The following COL5A2 variants were observed in gnomAD, a reference collection of about 807,000 sequenced individuals.
COL5A2 encodes the protein collagen type V alpha 2 chain.
In COL5A2, 23 loss-of-function variants were observed where a neutral mutation model predicts 208.2. The ratio of observed to expected loss-of-function variants is 0.11; its 90% confidence interval spans 0.08 to 0.16. The LOEUF (loss-of-function observed/expected upper bound fraction) is 0.16. Among genes scored for constraint, COL5A2 ranks in the 10% least tolerant of loss-of-function variants. The pLI, the probability that COL5A2 is intolerant of heterozygous loss-of-function variation, is 1.00. For missense variants in COL5A2, 1,590 were observed against 1,956.4 expected, an observed-to-expected ratio of 0.81 and a Z score of 3.53; for synonymous variants, 625 against 628.5, an observed-to-expected ratio of 0.99 and a Z score of 0.08.
rs142895373 is a variant in COL5A2 at position 189,034,100 on chromosome 2, G to T, written c.4470C>A (p.Gly1490=). Residue 1490 remains glycine, a synonymous_variant, in exon 54 of 54, where the codon GGC becomes GGA. Coordinates refer to ENST00000374866, the MANE Select transcript of COL5A2 (RefSeq NM_000393.5). ...CAAAACAAACTGGCCCAATTTCAAC[G>T]CCGAATTCCTGGTCTGTGCCGCCAA... ...VDVGGTDQEF[G]VEIGPVCFV 1 of 1,613,916 alleles carries T rather than the reference G, an allele frequency of 6.2e-7. No homozygotes were observed. Among genetic ancestry groups the T allele is most frequent in the Non-Finnish European group, 8.5e-7 (1 of 1,179,918 alleles).
At chr2:189,231,417 C>T in the COL5A2 span, among the ~76,000 whole-genome samples, 1 of 151,532 alleles carries the variant, frequency 6.6e-6, no homozygotes, top group Admixed American at 6.6e-5. Flanking sequence ...AAGGTAAGCC[C>T]CTTCTGAAAG....
At chr2:189,418,463 T>G in the COL5A2 span, among the ~76,000 whole-genome samples, 4 of 152,216 alleles carry the variant, frequency 2.6e-5, no homozygotes, top group Admixed American at 6.5e-5. Context: ...AGAGCTAAAA[T>G]AGGATATCTG....
the COL5A2 span, among the ~76,000 whole-genome samples, chr2:189,440,940 T>C: frequency 6.6e-6 from 1 of 152,156 alleles, no homozygotes; most frequent in East Asian, 1.9e-4. Flanking sequence ...GTGGAGATTC[T>C]GTAGTAACCT....
intron 46 of COL5A2, 85 bp from the exon 47 acceptor site, chr2:189,045,317 TATAG>T: frequency 1.2e-6 from 1 of 814,262 alleles, no homozygotes; most frequent in African/African-American, 1.8e-5. Flanking sequence ...ACAATACGTT[TATAG>T]TTGGATGCAT....
chr2:189,184,057 C>G (rs537682194), upstream of COL5A2, among the ~76,000 whole-genome samples: 4 of 152,154 alleles, frequency 2.6e-5, no homozygotes, highest in Non-Finnish European at 5.9e-5. Flanking sequence ...GTCCCTGATT[C>G]CACACAGCTT....
chr2:189,198,138 G>A (rs1225681472), intron 1 of COL5A2, among the ~76,000 whole-genome samples: 2 of 152,104 alleles, frequency 1.3e-5, no homozygotes, highest in African/African-American at 4.8e-5. Context: ...AGATCTAGGA[G>A]TACATTACCC....
intron 7 of COL5A2, among the ~76,000 whole-genome samples, chr2:189,089,155 T>C (rs1686729354): frequency 6.6e-6 from 1 of 152,204 alleles, no homozygotes; most frequent in Non-Finnish European, 1.5e-5. Context: ...GCCTAAAAGA[T>C]GCCTTTAAAA....
the COL5A2 span, among the ~76,000 whole-genome samples, chr2:189,406,870 G>A: frequency 1.3e-5 from 2 of 152,082 alleles, no homozygotes; most frequent in Admixed American, 1.3e-4. Flanking sequence ...AGCACTGAGA[G>A]AGATGGAGAT....
chr2:189,242,429 T>C, the COL5A2 span, among the ~76,000 whole-genome samples: 2 of 152,194 alleles, frequency 1.3e-5, no homozygotes, highest in African/African-American at 4.8e-5. Context: ...AGGATTTAAA[T>C]ACAGTTCTAG....
intron 7 of COL5A2, among the ~76,000 whole-genome samples, chr2:189,089,743 A>G (rs1419772614): frequency 6.6e-6 from 1 of 152,080 alleles, no homozygotes; most frequent in African/African-American, 2.4e-5. Context: ...TGTTCTTATT[A>G]TATCTGTTAT....
At chr2:189,153,656 T>C (rs1198959729) in intron 1 of COL5A2, among the ~76,000 whole-genome samples, 1 of 152,082 alleles carries the variant, frequency 6.6e-6, no homozygotes, top group Non-Finnish European at 1.5e-5. Context: ...TTACTACATG[T>C]AATTACTGGG....
intron 1 of COL5A2, among the ~76,000 whole-genome samples, chr2:189,210,996 A>G (rs1458858094): frequency 6.6e-6 from 1 of 152,150 alleles, no homozygotes; most frequent in Non-Finnish European, 1.5e-5. Flanking sequence ...TATCGCCATT[A>G]GCAATTAGAG....
In COL5A2 at chr2:189,068,806, C is replaced by T. The variant is rs771731126; in HGVS notation, c.1237G>A (p.Val413Ile). The change falls in exon 19 of 54, where the codon GTT (valine) becomes ATT (isoleucine). Residue 413 changes from valine (V) to isoleucine (I), a missense_variant. By Grantham distance (29) the Val-to-Ile change is conservative. Transcript: ENST00000374866. ...CTTACAGGAAGACCTGGAGAGCCAA[C>T]TGGACCTGGGGGCCCAGTTTCACCT... is the stretch of plus-strand genomic sequence containing the variant. ...QRGETGPPGP[V>I]GSPGLPGAIG... 1.9e-6 allele frequency: 3 copies of T among 1,613,272 alleles called. No homozygotes were observed. Among genetic ancestry groups the T allele is most frequent in the Non-Finnish European group, 2.5e-6 (3 of 1,179,704 alleles).
chr2:189,040,966 A>G (rs1685548431), intron 50 of COL5A2, among the ~76,000 whole-genome samples: 1 of 152,240 alleles, frequency 6.6e-6, no homozygotes. Context: ...AAGGAAGAGA[A>G]GGTAAAGACC....
intron 2 of COL5A2, among the ~76,000 whole-genome samples, chr2:189,104,683 G>A (rs1687116324): frequency 6.6e-6 from 1 of 151,712 alleles, no homozygotes; most frequent in African/African-American, 2.4e-5. Flanking sequence ...ACTAAAAAAT[G>A]TCATTCCATC....
rs1214619809 is a variant in COL5A2, at chr2:189,051,289, A to T, written c.2931+31T>A. Reference sequence around the variant, plus strand: ...TTCTATTTGTAAATATCTCAGTTGAAGGTGGTCTGGAACGGATACGCCAAA... The same window carrying T: ...TTCTATTTGTAAATATCTCAGTTGATGGTGGTCTGGAACGGATACGCCAAA... On this transcript the variant is annotated intron_variant, in intron 42 of 53. Coordinates refer to ENST00000374866, the MANE Select transcript of COL5A2 (RefSeq NM_000393.5). 4 of 1,613,756 alleles carry T rather than the reference A, an allele frequency of 2.5e-6. No homozygotes were observed. In the Admixed American group the frequency reaches 6.7e-5, roughly 27 times the overall value.
In COL5A2 at chr2:189,067,199, C is replaced by T. The variant is rs188782886; in HGVS notation, c.1402-417G>A. Among the ~76,000 whole-genome samples, 128 of 151,998 alleles carry T rather than the reference C, an allele frequency of 8.4e-4. 1 individual carries two copies. Among genetic ancestry groups the T allele is most frequent in the Admixed American group, 7.9e-3 (121 of 15,260 alleles). On this transcript the variant is annotated intron_variant, in intron 21 of 53. Coordinates refer to ENST00000374866, the MANE Select transcript of COL5A2 (RefSeq NM_000393.5). The stretch of plus-strand genomic sequence containing the variant: ...AATCAAAATAATTTTATATTTATGC[C>T]GTATTTATTGAGAATTTAGCAACTT...
chr2:189,192,262 C>A (rs2105846994), intron 1 of COL5A2, among the ~76,000 whole-genome samples: 1 of 152,130 alleles, frequency 6.6e-6, no homozygotes, highest in South Asian at 2.1e-4. Flanking sequence ...CTAATATAAT[C>A]AAAGTAATTT....
At position 189,052,938 on chromosome 2, in the gene COL5A2, T is replaced by A; in HGVS notation, c.2634A>T (p.Gln878His). 6.2e-7 allele frequency: 1 copy of A among 1,614,172 alleles called. No homozygotes were observed. The highest frequency in any genetic ancestry group is 8.5e-7 in the Non-Finnish European group (1 of 1,180,004). ...GAGGGCCAGGGGATCCTGCTAAACC[T>A]TGTGGTCCAGGAGAACCAGCATCTC... ...QKGDAGSPGP[Q>H]GLAGSPGPHG... The change falls in exon 39 of 54, where the codon CAA becomes CAT. Residue 878 changes from glutamine to histidine, a missense_variant. Physicochemically the swap from Gln to His is conservative, Grantham distance 24. Coordinates refer to ENST00000374866, the MANE Select transcript of COL5A2 (RefSeq NM_000393.5).
Sources: allele counts gnomAD v4.1 joint callset (sites outside exome capture counted in the v4.1 genomes callset), GRCh38; gene constraint gnomAD v4.1.1; transcripts MANE v1.5; gene names NCBI Gene and HGNC (gene_info 2026-07-23, HGNC 2026-07-21).